Variants in NRP1 observed in about 807,000 individuals in gnomAD.
NRP1 encodes neuropilin-1.
NRP1 carries 35 observed loss-of-function variants against 106.7 expected under a neutral mutation model. That is an observed-to-expected ratio of 0.33 (90% CI 0.25 to 0.43). The LOEUF is 0.43. Among genes scored for constraint, NRP1 ranks in the 20% least tolerant of loss-of-function variants. NRP1 has a pLI of 1.00. For missense variants in NRP1, 1,024 were observed against 1,170.4 expected (o/e 0.87, Z 1.83); for synonymous variants, 437 against 417.9 (o/e 1.05, Z -0.56).
At chr10:33,195,184 A>G (rs1836689766) in intron 12 of NRP1, among the ~76,000 whole-genome samples, 1 of 152,208 alleles carries the variant, frequency 6.6e-6, no homozygotes, top group South Asian at 2.1e-4. Flanking sequence ...AAACTTCTAT[A>G]GAGCAGTTTA....
chr10:33,241,238 G>C (rs1840987845), intron 6 of NRP1, among the ~76,000 whole-genome samples: 1 of 152,148 alleles, frequency 6.6e-6, no homozygotes, highest in Non-Finnish European at 1.5e-5. Flanking sequence ...CTCCTCTTGG[G>C]AGAAAGGGGC....
intron 16 of NRP1, 135 bp from the exon 17 acceptor site, chr10:33,180,500 G>T: frequency 1.2e-6 from 1 of 868,772 alleles, no homozygotes. Flanking sequence ...CTCATTGTTG[G>T]GAACAGAAGT....
intron 2 of NRP1, 135 bp from the exon 3 acceptor site, chr10:33,270,991 T>A: frequency 1.6e-6 from 1 of 631,674 alleles, no homozygotes; most frequent in Non-Finnish European, 2.6e-6. Flanking sequence ...ATCACTGCAT[T>A]AAATGGAGGG....
chr10:33,192,559 A>G (rs1278219797), intron 12 of NRP1, 141 bp from the exon 13 acceptor site: 10 of 835,218 alleles, frequency 1.2e-5, no homozygotes, highest in Non-Finnish European at 1.8e-5. Flanking sequence ...CAGGAAAGCC[A>G]GGATTACCAA....
intron 14 of NRP1, 58 bp downstream of exon 14, chr10:33,186,159 A>G (rs925900420): frequency 2.6e-6 from 4 of 1,521,882 alleles, no homozygotes; most frequent in African/African-American, 2.8e-5. Context: ...AGCCTCCAAC[A>G]TATCATCTCA....
chr10:33,299,806 C>A (rs531134473), intron 2 of NRP1, among the ~76,000 whole-genome samples: 1 of 152,244 alleles, frequency 6.6e-6, no homozygotes, highest in Admixed American at 6.5e-5. Flanking sequence ...AAACCAATTG[C>A]TACAGGTAAT....
intron 2 of NRP1, among the ~76,000 whole-genome samples, chr10:33,277,566 G>A (rs980848993): frequency 1.1e-4 from 16 of 152,248 alleles, no homozygotes; most frequent in Middle Eastern, 3.2e-3. Context: ...GCCTCAGGGC[G>A]TTGCCAGAGA....
At chr10:33,193,217 T>G (rs1172475148) in intron 12 of NRP1, among the ~76,000 whole-genome samples, 1 of 152,128 alleles carries the variant, frequency 6.6e-6, no homozygotes. Flanking sequence ...TGACTTGCCT[T>G]GTGTGTGCCC....
chr10:33,184,543 T>C (rs1158101086), intron 15 of NRP1, among the ~76,000 whole-genome samples: 1 of 152,214 alleles, frequency 6.6e-6, no homozygotes, highest in African/African-American at 2.4e-5. Context: ...TGTTACTACA[T>C]GAAATACACA....
At chr10:33,182,802 T>G (rs1377734054) in intron 15 of NRP1, 54 bp from the exon 16 acceptor site, 3 of 1,250,914 alleles carry the variant, frequency 2.4e-6, no homozygotes, top group African/African-American at 1.5e-5. Flanking sequence ...CAAAATATAA[T>G]GCACCAAACT....
intron 12 of NRP1, 87 bp from the exon 13 acceptor site, chr10:33,192,505 A>T: frequency 7.2e-7 from 1 of 1,387,300 alleles, no homozygotes; most frequent in Non-Finnish European, 9.9e-7. Context: ...TGGTTCACTC[A>T]TGGAAAGCAC....
intron 2 of NRP1, among the ~76,000 whole-genome samples, chr10:33,305,385 A>G (rs556678235): frequency 6.6e-6 from 1 of 152,328 alleles, no homozygotes; most frequent in African/African-American, 2.4e-5. Context: ...ATGACACAGC[A>G]TAAGTTATAA....
chr10:33,232,215 G>A (rs1027245909), intron 6 of NRP1, among the ~76,000 whole-genome samples: 4 of 152,118 alleles, frequency 2.6e-5, no homozygotes, highest in Non-Finnish European at 5.9e-5. Context: ...CTATGTTTTG[G>A]AGGGTTCATC....
At chr10:33,332,355 C>T (rs935866597) in intron 1 of NRP1, among the ~76,000 whole-genome samples, 80 of 152,304 alleles carry the variant, frequency 5.3e-4, no homozygotes, top group African/African-American at 1.9e-3. Context: ...TGCTGAGACT[C>T]TTGCATTATT....
intron 12 of NRP1, among the ~76,000 whole-genome samples, chr10:33,193,425 C>T (rs991846462): frequency 6.6e-6 from 1 of 152,204 alleles, no homozygotes; most frequent in Non-Finnish European, 1.5e-5. Context: ...GGCTTCTGCC[C>T]CCTCCTTTCG....
At chr10:33,189,275 C>T (rs1211047426) in intron 13 of NRP1, among the ~76,000 whole-genome samples, 3 of 152,172 alleles carry the variant, frequency 2.0e-5, no homozygotes, top group Non-Finnish European at 4.4e-5. Flanking sequence ...TTCCCAAAGT[C>T]ATGCACACTC....
At chr10:33,269,637 C>G (rs1349726597) in intron 3 of NRP1, among the ~76,000 whole-genome samples, 1 of 152,182 alleles carries the variant, frequency 6.6e-6, no homozygotes, top group African/African-American at 2.4e-5. Context: ...AGGAACTTAG[C>G]CACACAGCAG....
intron 6 of NRP1, among the ~76,000 whole-genome samples, chr10:33,243,343 G>A (rs1484774579): frequency 2.0e-5 from 3 of 152,136 alleles, no homozygotes; most frequent in African/African-American, 4.8e-5. Flanking sequence ...TCTTAGGCAA[G>A]CTCAGGGCAC....
intron 6 of NRP1, among the ~76,000 whole-genome samples, chr10:33,247,141 G>C (rs2133117299): frequency 6.6e-6 from 1 of 152,316 alleles, no homozygotes; most frequent in African/African-American, 2.4e-5. Context: ...AATGTGGGGA[G>C]ATTCTAACTT....
Sources: gnomAD v4.1 joint callset for allele counts (sites outside exome capture counted in the v4.1 genomes callset) on GRCh38, gnomAD v4.1.1 for gene constraint, MANE v1.5 for transcripts, NCBI Gene and HGNC (gene_info 2026-07-23, HGNC 2026-07-21) for gene names.